The following DSC3 variants were observed in gnomAD, a reference collection of about 807,000 sequenced individuals.
DSC3 encodes the protein desmocollin-3.
A neutral mutation model predicts 89.5 loss-of-function variants in DSC3; 97 were observed. The ratio of observed to expected loss-of-function variants is 1.08; its 90% confidence interval spans 0.92 to 1.28. The LOEUF is 1.28. Among genes scored for constraint, DSC3 ranks in the 50% most tolerant of loss-of-function variants. DSC3 has a pLI of 0.00. For missense variants in DSC3, 1,199 were observed against 1,085.3 expected, an observed-to-expected ratio of 1.10 and a Z score of -1.47; for synonymous variants, 436 against 384.1, an observed-to-expected ratio of 1.14 and a Z score of -1.58.
intron 6 of DSC3, among the ~76,000 whole-genome samples, 178 bp from the exon 7 acceptor site, chr18:31,022,680 A>G (rs948795667): frequency 1.3e-5 from 2 of 152,244 alleles, no homozygotes; most frequent in African/African-American, 4.8e-5. Context: ...CAAATTTATC[A>G]CACATAACAC....
At chr18:31,025,681 A>G (rs1985572470) in intron 5 of DSC3, 79 bp downstream of exon 5, 1 of 1,418,024 alleles carries the variant, frequency 7.1e-7, no homozygotes, top group Non-Finnish European at 1.0e-6. Flanking sequence ...GCAAGGAGAG[A>G]GGAAAGAGTA....
chr18:31,037,300 C>G (rs1253917094), intron 1 of DSC3, among the ~76,000 whole-genome samples: 2 of 152,032 alleles, frequency 1.3e-5, no homozygotes, highest in South Asian at 2.1e-4. Flanking sequence ...TTTATTAGTT[C>G]TAGTATCTGT....
chr18:31,022,957 A>G (rs1985473953), intron 6 of DSC3, among the ~76,000 whole-genome samples: 2 of 152,206 alleles, frequency 1.3e-5, no homozygotes, highest in Admixed American at 1.3e-4. Flanking sequence ...TTAGTAGTCC[A>G]GCCTCTCCTT....
At position 31,008,505 on chromosome 18, in the gene DSC3, G is replaced by A; in HGVS notation, c.1284C>T (p.Asn428=). The A allele has an allele frequency of 6.2e-7, 1 of 1,614,048 alleles. No homozygotes were observed. Among genetic ancestry groups the A allele is most frequent in the Non-Finnish European group, 8.5e-7 (1 of 1,180,006 alleles). Residue 428 remains asparagine (N), a synonymous_variant, in exon 10 of 16, where the codon AAC becomes AAT. Coordinates refer to ENST00000360428, the MANE Select transcript of DSC3 (RefSeq NM_001941.5). ...CTCCAATTTCCAGGTTCACTTGACG[G>A]TTTTCTTCATAATTCAGTGGCTTTA... ...SVVKPLNYEE[N]RQVNLEIGVN...
At position 31,037,314 on chromosome 18, in the gene DSC3, T is replaced by C. The variant is rs529742267; in HGVS notation, c.70-5038A>G. Among the ~76,000 whole-genome samples the C allele has an allele frequency of 3.1e-3, 466 of 152,310 alleles. 2 individuals carry two copies. The highest frequency in any genetic ancestry group is 0.017 in the Middle Eastern group (5 of 294). ...TTTTATTAGTTCTAGTATCTGTTAA[T>C]AGATAGTGTTGGATTTTCTATGTAG... On this transcript the variant is annotated intron_variant, in intron 1 of 15. Coordinates refer to ENST00000360428, the MANE Select transcript of DSC3 (RefSeq NM_001941.5).
At chr18:31,018,522 T>G (rs1164577676) in intron 8 of DSC3, 144 bp downstream of exon 8, 1 of 958,066 alleles carries the variant, frequency 1.0e-6, no homozygotes, top group East Asian at 2.6e-5. Flanking sequence ...AATTTACATA[T>G]CACTTGTTTA....
At chr18:31,031,918 T>C (rs754507965) in intron 2 of DSC3, among the ~76,000 whole-genome samples, 1 of 152,244 alleles carries the variant, frequency 6.6e-6, no homozygotes, top group Admixed American at 6.5e-5. Context: ...AGGGTTCATT[T>C]GCTGTCCATG....
In DSC3 at chr18:31,025,826, T is replaced by C; in HGVS notation, c.564A>G (p.Ile188Met). ...VDKEPLNLFYIERDTGNLFCT... is the reference protein window; with the variant it reads ...VDKEPLNLFYMERDTGNLFCT... ...AAAATAGATTTCCAGTGTCTCTTTC[T>C]ATATAAAACAAATTTAAAGGTTCTT... Residue 188 changes from isoleucine to methionine, a missense_variant, in exon 5 of 16, where the codon ATA becomes ATG. Physicochemically the swap from Ile to Met is conservative, Grantham distance 10. Coordinates refer to ENST00000360428, the MANE Select transcript of DSC3 (RefSeq NM_001941.5). The C allele has an allele frequency of 3.7e-6, 6 of 1,613,210 alleles. No homozygotes were observed. The highest frequency in any genetic ancestry group is 1.3e-5 in the African/African-American group (1 of 75,000).
intron 5 of DSC3, among the ~76,000 whole-genome samples, chr18:31,025,251 A>G (rs188760343): frequency 6.6e-6 from 1 of 152,294 alleles, no homozygotes; most frequent in Admixed American, 6.5e-5. Flanking sequence ...CTATAAGCTC[A>G]TCTATATCAG....
intron 3 of DSC3, among the ~76,000 whole-genome samples, chr18:31,030,225 T>C (rs1461004147): frequency 6.6e-6 from 1 of 152,212 alleles, no homozygotes; most frequent in Non-Finnish European, 1.5e-5. Context: ...ACAGTGCAGA[T>C]AGTGCCATCT....
intron 2 of DSC3, 27 bp downstream of exon 2, chr18:31,032,165 T>G (rs985475333): frequency 1.9e-6 from 3 of 1,544,450 alleles, no homozygotes; most frequent in African/African-American, 2.7e-5. Context: ...AAATTTCTGC[T>G]TTAAAAAGAC....
At position 30,996,871 on chromosome 18, in the gene DSC3, T is replaced by G; in HGVS notation, c.2413A>C (p.Arg805=). Residue 805 remains arginine, a synonymous_variant, in exon 15 of 16, where the codon AGG becomes CGG. Transcript: ENST00000360428. ...TTGTCCACCTCCGTGTGTCCTCCCC[T>G]GCAGGAGTCCAGGGTATGATGATGC... ...AGHHHTLDSC[R]GGHTEVDNCR... 1 of 1,613,938 alleles carries G rather than the reference T, an allele frequency of 6.2e-7. No homozygotes were observed.
intron 7 of DSC3, among the ~76,000 whole-genome samples, chr18:31,019,100 G>C (rs1299004252): frequency 6.6e-6 from 1 of 152,176 alleles, no homozygotes; most frequent in Non-Finnish European, 1.5e-5. Context: ...TTTGAGTTTT[G>C]TTTTGTTTTG....
At chr18:31,037,623 C>T (rs1311503643) in intron 1 of DSC3, among the ~76,000 whole-genome samples, 1 of 151,994 alleles carries the variant, frequency 6.6e-6, no homozygotes, top group Non-Finnish European at 1.5e-5. Flanking sequence ...CATTCTTGGC[C>T]AGGCGCAGTG....
intron 1 of DSC3, among the ~76,000 whole-genome samples, chr18:31,037,318 T>G (rs1746688900): frequency 1.3e-5 from 2 of 152,200 alleles, no homozygotes; most frequent in Admixed American, 6.5e-5. Flanking sequence ...TGTTAATAGA[T>G]AGTGTTGGAT....
In DSC3 at chr18:31,004,219, G is replaced by A. The variant is rs181961800; in HGVS notation, c.2036C>T (p.Ala679Val). 6.1e-5 allele frequency: 99 copies of A among 1,613,768 alleles called. No homozygotes were observed. The highest frequency in any genetic ancestry group is 8.3e-5 in the Admixed American group (5 of 59,974). Reference sequence around the variant, plus strand: ...TATTACTCCTGTACTCCTTGAAGTCGCACGACACTGAGTTGGATGAGTACA... The same window carrying A: ...TATTACTCCTGTACTCCTTGAAGTCACACGACACTGAGTTGGATGAGTACA... ...CECTHPTQCR[A>V]TSRSTGVILG... Residue 679 changes from alanine to valine, a missense_variant, in exon 13 of 16, where the codon GCG (alanine) becomes GTG (valine). Ala to Val is a moderately conservative substitution (Grantham distance 64). Coordinates refer to ENST00000360428, the MANE Select transcript of DSC3 (RefSeq NM_001941.5).
intron 1 of DSC3, among the ~76,000 whole-genome samples, chr18:31,039,304 C>T (rs1470153333): frequency 6.6e-6 from 1 of 152,068 alleles, no homozygotes; most frequent in Non-Finnish European, 1.5e-5. Flanking sequence ...GTGTTATCTG[C>T]AGTTGTTTCA....
chr18:31,000,214 T>C (rs1984607091), intron 14 of DSC3, among the ~76,000 whole-genome samples: 1 of 152,170 alleles, frequency 6.6e-6, no homozygotes, highest in Admixed American at 6.5e-5. Flanking sequence ...TCGTTGTCCC[T>C]GGCTATAGCC....
chr18:31,035,563 T>A (rs1317120107), intron 1 of DSC3, among the ~76,000 whole-genome samples: 3 of 152,056 alleles, frequency 2.0e-5, no homozygotes, highest in Admixed American at 6.5e-5. Context: ...GGTTGAAATA[T>A]ATCATAACTC....
Sources: allele counts gnomAD v4.1 joint callset (sites outside exome capture counted in the v4.1 genomes callset), GRCh38; gene constraint gnomAD v4.1.1; transcripts MANE v1.5; gene names NCBI Gene and HGNC (gene_info 2026-07-23, HGNC 2026-07-21).